Variants in ENTREP2 observed in about 807,000 individuals in gnomAD.
The protein encoded by ENTREP2 is protein ENTREP2.
At chr15:29,509,928 C>G in the ENTREP2 span, among the ~76,000 whole-genome samples, 3 of 152,156 alleles carry the variant, frequency 2.0e-5, no homozygotes, top group Non-Finnish European at 4.4e-5. Context: ...TAAAGAGCTT[C>G]TGCACAGCAA....
At chr15:29,138,866 G>A in the ENTREP2 span, among the ~76,000 whole-genome samples, 1 of 152,096 alleles carries the variant, frequency 6.6e-6, no homozygotes, top group Admixed American at 6.6e-5. Flanking sequence ...GGTCTTGAAA[G>A]ATTGGTGGGA....
the ENTREP2 span, among the ~76,000 whole-genome samples, chr15:29,264,240 A>C: frequency 6.6e-6 from 1 of 152,036 alleles, no homozygotes. Flanking sequence ...AAAGATGCAA[A>C]AGCCAGCTTT....
chr15:29,447,113 A>C, the ENTREP2 span, among the ~76,000 whole-genome samples: 1 of 152,250 alleles, frequency 6.6e-6, no homozygotes, highest in Non-Finnish European at 1.5e-5. Context: ...AAATTCTTAC[A>C]GCAAGCAAAT....
the ENTREP2 span, among the ~76,000 whole-genome samples, chr15:29,473,430 T>A: frequency 1.3e-5 from 2 of 152,118 alleles, no homozygotes; most frequent in African/African-American, 2.4e-5. Flanking sequence ...CCTGCGGCAA[T>A]CCAGACCCAG....
At chr15:29,463,920 C>A in the ENTREP2 span, among the ~76,000 whole-genome samples, 3 of 152,256 alleles carry the variant, frequency 2.0e-5, no homozygotes, top group East Asian at 5.8e-4. Context: ...ACGGATAAAC[C>A]TTGAGGATGT....
At chr15:29,496,549 G>A in the ENTREP2 span, among the ~76,000 whole-genome samples, 1 of 152,032 alleles carries the variant, frequency 6.6e-6, no homozygotes, top group Non-Finnish European at 1.5e-5. Context: ...TATGATGGTA[G>A]CTTGTGAAAT....
chr15:29,462,602 T>C, the ENTREP2 span, among the ~76,000 whole-genome samples: 1 of 150,488 alleles, frequency 6.6e-6, no homozygotes, highest in East Asian at 1.9e-4. Context: ...AAGAGCGAAA[T>C]TCGATCTCAA....
At chr15:29,179,611 C>T in the ENTREP2 span, among the ~76,000 whole-genome samples, 6 of 148,320 alleles carry the variant, frequency 4.0e-5, no homozygotes, top group African/African-American at 9.9e-5. Context: ...GACGGAGTCT[C>T]GCTCTGTTGC....
chr15:29,547,385 G>C, the ENTREP2 span, among the ~76,000 whole-genome samples: 2 of 151,986 alleles, frequency 1.3e-5, no homozygotes, highest in South Asian at 4.2e-4. Flanking sequence ...ACCAGACCTG[G>C]CCCACATTGA....
chr15:29,645,841 G>T, the ENTREP2 span, among the ~76,000 whole-genome samples: 55 of 152,180 alleles, frequency 3.6e-4, no homozygotes, highest in African/African-American at 1.2e-3. Flanking sequence ...TTACAGGCGT[G>T]AGCCACTGCG....
chr15:29,386,951 C>T, the ENTREP2 span, among the ~76,000 whole-genome samples: 2 of 152,182 alleles, frequency 1.3e-5, no homozygotes, highest in African/African-American at 2.4e-5. Context: ...CAAACAGGGA[C>T]AATTTGACTT....
At chr15:29,293,303 T>G in the ENTREP2 span, among the ~76,000 whole-genome samples, 7 of 151,898 alleles carry the variant, frequency 4.6e-5, no homozygotes, top group East Asian at 1.2e-3. Flanking sequence ...CAGGCTGGAG[T>G]GCAGTGGCAC....
the ENTREP2 span, among the ~76,000 whole-genome samples, chr15:29,492,639 T>G: frequency 6.6e-6 from 1 of 152,182 alleles, no homozygotes; most frequent in East Asian, 1.9e-4. Context: ...CTTTTCCCGA[T>G]AGGAAATAAA....
the ENTREP2 span, among the ~76,000 whole-genome samples, chr15:29,290,432 G>A: frequency 6.6e-6 from 1 of 152,098 alleles, no homozygotes; most frequent in African/African-American, 2.4e-5. Context: ...ATCACCCCAT[G>A]TCCATACTCC....
the ENTREP2 span, among the ~76,000 whole-genome samples, chr15:29,639,925 C>T: frequency 1.3e-5 from 2 of 152,168 alleles, no homozygotes; most frequent in East Asian, 1.9e-4. Flanking sequence ...CGCACCACCA[C>T]GCCCAGCTAA....
chr15:29,233,798 G>A, the ENTREP2 span: 1 of 1,563,908 alleles, frequency 6.4e-7, no homozygotes, highest in Admixed American at 1.7e-5. Flanking sequence ...TGCCTCAACA[G>A]ACTGCCTTTG....
chr15:29,450,290 G>A, the ENTREP2 span, among the ~76,000 whole-genome samples: 1 of 152,148 alleles, frequency 6.6e-6, no homozygotes, highest in South Asian at 2.1e-4. Context: ...GTGTTGTCAT[G>A]AAATCTTTGC....
chr15:29,352,215 G>A, the ENTREP2 span, among the ~76,000 whole-genome samples: 2 of 152,264 alleles, frequency 1.3e-5, no homozygotes, highest in East Asian at 3.9e-4. Context: ...GATTACAGGT[G>A]TGAGCCACTG....
At chr15:29,153,542 C>G in the ENTREP2 span, among the ~76,000 whole-genome samples, 1 of 152,190 alleles carries the variant, frequency 6.6e-6, no homozygotes, top group Non-Finnish European at 1.5e-5. Context: ...CTAACAACCT[C>G]CCAAAGGCCC....
Sources: allele counts gnomAD v4.1 joint callset (sites outside exome capture counted in the v4.1 genomes callset), GRCh38; gene constraint gnomAD v4.1.1; transcripts MANE v1.5; gene names NCBI Gene and HGNC (gene_info 2026-07-23, HGNC 2026-07-21).